Variants in RNF180 observed in about 807,000 individuals in gnomAD.
RNF180 encodes the protein E3 ubiquitin-protein ligase RNF180.
In RNF180, 38 loss-of-function variants were observed where a neutral mutation model predicts 59.2. The observed-to-expected ratio is 0.64, with a 90% CI of 0.50 to 0.84. The LOEUF is 0.84. Among genes scored for constraint, RNF180 ranks in the 40% least tolerant of loss-of-function variants. The probability of loss-of-function intolerance (pLI) is 0.00; values close to 1 mark genes in which losing one functional copy is unlikely to be tolerated. For synonymous variants in RNF180, 262 were observed against 240.3 expected, an observed-to-expected ratio of 1.09 and a Z score of -0.84; for missense variants, 705 against 700.9, an observed-to-expected ratio of 1.01 and a Z score of -0.07.
chr5:64,307,205 TC>T (rs1324707846), intron 5 of RNF180, among the ~76,000 whole-genome samples: 1 of 150,338 alleles, frequency 6.7e-6, no homozygotes, highest in Non-Finnish European at 1.5e-5. Context: ...CCAGGAAATC[TC>T]AACACAATAC....
chr5:64,328,793 C>A (rs561719250), intron 6 of RNF180, among the ~76,000 whole-genome samples: 5 of 152,260 alleles, frequency 3.3e-5, no homozygotes, highest in African/African-American at 9.6e-5. Context: ...TAATTCAAAT[C>A]ACTTGAGCCA....
intron 5 of RNF180, among the ~76,000 whole-genome samples, chr5:64,280,268 T>C (rs1440981936): frequency 6.6e-6 from 1 of 152,202 alleles, no homozygotes; most frequent in African/African-American, 2.4e-5. Context: ...ATAGATTGTC[T>C]GATTAGTCTA....
At chr5:64,226,487 A>ACT (rs1312225396) in intron 5 of RNF180, among the ~76,000 whole-genome samples, 2 of 151,930 alleles carry the variant, frequency 1.3e-5, no homozygotes, top group African/African-American at 4.8e-5. Flanking sequence ...AGTCATCACC[A>ACT]CTCCCTAATC....
intron 5 of RNF180, among the ~76,000 whole-genome samples, chr5:64,249,652 C>T (rs1743433346): frequency 6.6e-6 from 1 of 151,920 alleles, no homozygotes; most frequent in Admixed American, 6.6e-5. Context: ...CAAAGGGAAA[C>T]CAAAAGTGAG....
chr5:64,185,674 A>G (rs1472261749), intron 1 of RNF180, among the ~76,000 whole-genome samples: 1 of 152,198 alleles, frequency 6.6e-6, no homozygotes, highest in East Asian at 1.9e-4. Context: ...TCTAATTGCC[A>G]CAAATTCATT....
At chr5:64,329,406 T>G (rs147305425) in intron 6 of RNF180, among the ~76,000 whole-genome samples, 7 of 152,148 alleles carry the variant, frequency 4.6e-5, no homozygotes, top group African/African-American at 1.4e-4. Context: ...AGGATGAAAC[T>G]TTTCCACCTC....
chr5:64,194,908 T>C (rs562297024), intron 1 of RNF180, among the ~76,000 whole-genome samples: 9 of 152,312 alleles, frequency 5.9e-5, no homozygotes, highest in African/African-American at 2.2e-4. Flanking sequence ...TATTGAAATA[T>C]ACAGATAGGA....
At chr5:64,248,568 A>G (rs943830184) in intron 5 of RNF180, among the ~76,000 whole-genome samples, 9 of 152,202 alleles carry the variant, frequency 5.9e-5, no homozygotes, top group African/African-American at 2.2e-4. Flanking sequence ...ACCATCTCAC[A>G]CCAGTTAGAA....
intron 5 of RNF180, among the ~76,000 whole-genome samples, chr5:64,317,623 TAC>T (rs3069586): frequency 0.22 from 31,293 of 144,470 alleles, 4,685 homozygotes; most frequent in African/African-American, 0.44. Context: ...CACACATATA[TAC>T]ACACACACAC....
chr5:64,348,256 T>C (rs1745633314), intron 7 of RNF180, among the ~76,000 whole-genome samples: 1 of 152,108 alleles, frequency 6.6e-6, no homozygotes, highest in South Asian at 2.1e-4. Flanking sequence ...GTACTGTGTG[T>C]TCTTTCGTTA....
At chr5:64,348,692 G>A (rs1745657610) in intron 7 of RNF180, among the ~76,000 whole-genome samples, 2 of 151,954 alleles carry the variant, frequency 1.3e-5, no homozygotes, top group South Asian at 4.1e-4. Context: ...GGAGTCTGAT[G>A]TTTCTGAACA....
intron 5 of RNF180, among the ~76,000 whole-genome samples, chr5:64,268,043 TCA>T (rs1338050544): frequency 6.6e-6 from 1 of 152,186 alleles, no homozygotes; most frequent in Non-Finnish European, 1.5e-5. Context: ...TATCCATGGG[TCA>T]CAGTTTAAGA....
At chr5:64,329,426 T>G (rs979296808) in intron 6 of RNF180, among the ~76,000 whole-genome samples, 1 of 152,004 alleles carries the variant, frequency 6.6e-6, no homozygotes, top group Non-Finnish European at 1.5e-5. Context: ...CAGATTATTG[T>G]GCATTAGTTA....
intron 5 of RNF180, among the ~76,000 whole-genome samples, chr5:64,232,834 G>A (rs955509774): frequency 6.6e-6 from 1 of 152,244 alleles, no homozygotes; most frequent in African/African-American, 2.4e-5. Flanking sequence ...AAGGCAGCCT[G>A]TAAGGTGTTT....
intron 3 of RNF180, among the ~76,000 whole-genome samples, chr5:64,213,019 C>G (rs1434395964): frequency 6.6e-6 from 1 of 152,134 alleles, no homozygotes; most frequent in Non-Finnish European, 1.5e-5. Context: ...TAAGACAGTT[C>G]ATTATTAATT....
Position 64,213,951 on chromosome 5 carries a change from C to G in RNF180, c.625C>G (p.Leu209Val). The change falls in exon 4 of 8, where the codon CTT (leucine) becomes GTT (valine). Residue 209 changes from leucine (L) to valine (V), a missense_variant. Coordinates refer to ENST00000389100, the MANE Select transcript of RNF180 (RefSeq NM_001113561.2). ...CAAAGCATCAGAACCAAAATACCAG[C>G]TTTTTGTTCCCCAGCTTGTGACTGG... is the stretch of plus-strand genomic sequence containing the variant. ...LSKASEPKYQ[L>V]FVPQLVTGRC... 6.2e-7 allele frequency: 1 copy of G among 1,614,024 alleles called. No homozygotes were observed. Among genetic ancestry groups the G allele is most frequent in the South Asian group, 1.1e-5 (1 of 91,082 alleles).
At chr5:64,255,991 A>C (rs1368943510) in intron 5 of RNF180, among the ~76,000 whole-genome samples, 1 of 151,884 alleles carries the variant, frequency 6.6e-6, no homozygotes, top group Non-Finnish European at 1.5e-5. Flanking sequence ...GGCTGCATAA[A>C]TGTCTTCTTT....
At chr5:64,318,415 A>C (rs1039657152) in intron 5 of RNF180, among the ~76,000 whole-genome samples, 1 of 152,172 alleles carries the variant, frequency 6.6e-6, no homozygotes, top group Non-Finnish European at 1.5e-5. Flanking sequence ...ATATTTCATC[A>C]TGCTACCTAG....
intron 1 of RNF180, among the ~76,000 whole-genome samples, chr5:64,168,737 C>T (rs182873223): frequency 1.3e-4 from 19 of 151,950 alleles, no homozygotes; most frequent in Non-Finnish European, 2.2e-4. Context: ...AATATAGCCT[C>T]AAAATATAAA....
Sources: allele counts gnomAD v4.1 joint callset (sites outside exome capture counted in the v4.1 genomes callset), GRCh38; gene constraint gnomAD v4.1.1; transcripts MANE v1.5; gene names NCBI Gene and HGNC (gene_info 2026-07-23, HGNC 2026-07-21).